HHLA2: variants seen among roughly 807,000 people sequenced by gnomAD.
HHLA2 encodes the protein HHLA2 member of B7 family.
Under a neutral mutation model 45.9 loss-of-function variants are expected in HHLA2, and 48 were observed. The ratio of observed to expected loss-of-function variants is 1.05; its 90% CI spans 0.83 to 1.33. HHLA2 has a LOEUF of 1.33. Among genes scored for constraint, HHLA2 ranks in the 40% most tolerant of loss-of-function variants. HHLA2 has a pLI of 0.00. For missense variants in HHLA2, 462 were observed against 494.3 expected, an observed-to-expected ratio of 0.93 and a Z score of 0.62; for synonymous variants, 161 against 173.9, an observed-to-expected ratio of 0.93 and a Z score of 0.59.
intron 2 of HHLA2, among the ~76,000 whole-genome samples, chr3:108,325,148 T>C (rs2081265892): frequency 6.7e-6 from 1 of 149,492 alleles, no homozygotes; most frequent in Non-Finnish European, 1.5e-5. Flanking sequence ...TTATTGTCAT[T>C]AGTCTCATTT....
At chr3:108,310,270 C>T (rs4855638) in intron 1 of HHLA2, among the ~76,000 whole-genome samples, 26,277 of 151,858 alleles carry the variant, frequency 0.17, 2,790 homozygotes, top group East Asian at 0.52. Flanking sequence ...ATAGGAAAAA[C>T]AAGTCTTACA....
intron 3 of HHLA2, among the ~76,000 whole-genome samples, chr3:108,337,540 G>T (rs2081494762): frequency 6.6e-6 from 1 of 152,144 alleles, no homozygotes. Context: ...TGAATGAATA[G>T]AAATATACCA....
At chr3:108,376,700 T>A (rs1161964290) in intron 10 of HHLA2, 143 bp downstream of exon 9, 2 of 622,038 alleles carry the variant, frequency 3.2e-6, no homozygotes, top group Non-Finnish European at 5.5e-6. Flanking sequence ...CAGGATAATA[T>A]AGCACGAAAA....
intron 8 of HHLA2, among the ~76,000 whole-genome samples, chr3:108,363,261 G>C (rs972388121): frequency 3.3e-5 from 5 of 152,240 alleles, no homozygotes; most frequent in African/African-American, 1.2e-4. Flanking sequence ...CAGGAATCCA[G>C]GAAGTTAGCT....
At chr3:108,306,812 A>T (rs557251693) in intron 1 of HHLA2, among the ~76,000 whole-genome samples, 21 of 151,696 alleles carry the variant, frequency 1.4e-4, no homozygotes, top group South Asian at 8.3e-4. Flanking sequence ...ATATATATAT[A>T]TTTTTCTATT....
rs73204156 is a variant in HHLA2 at position 108,317,577 on chromosome 3, T to C, written c.-105+6836T>C. ...CCTAGGATAGTAGGGAGATTACTTC[T>C]TTTTTTTTTTTTTTTGAGATGGAGT... On this transcript the variant is annotated intron_variant, in intron 2 of 10. Coordinates refer to ENST00000619531, the Ensembl canonical transcript of HHLA2. 7.4e-4 allele frequency among the ~76,000 whole-genome samples: 72 copies of C among 97,466 alleles called. No homozygotes were observed. The Middle Eastern group carries it at 0.014, about 18-fold the overall frequency. The allele number at this position is 97,466 out of a possible 152,430, so 63.9% of individuals were successfully genotyped here. A position where few individuals can be genotyped will look rare whatever the true frequency, so the allele number is the denominator to read the frequency against.
Position 108,377,251 on chromosome 3 carries a change from C to A in HHLA2, c.1225-7C>A. The A allele has an allele frequency of 6.5e-7, 1 of 1,538,802 alleles. No homozygotes were observed. The highest frequency in any genetic ancestry group is 1.7e-4 in the Middle Eastern group (1 of 5,938). ...AGACATTTAGAGTCTATTTTTCTTG[C>A]TTCTAGCCTCTTTCAGGAAAAGTAT... On this transcript the variant is annotated splice_region_variant and splice_polypyrimidine_tract_variant and intron_variant, in intron 10 of 10. Coordinates refer to ENST00000619531, the Ensembl canonical transcript of HHLA2.
intron 3 of HHLA2, among the ~76,000 whole-genome samples, chr3:108,331,022 A>G (rs957147155): frequency 6.6e-6 from 1 of 152,140 alleles, no homozygotes; most frequent in African/African-American, 2.4e-5. Context: ...GGGAATGCAA[A>G]GGCTGCTAGG....
chr3:108,363,721 G>A (rs922436335), intron 8 of HHLA2, among the ~76,000 whole-genome samples: 4 of 152,146 alleles, frequency 2.6e-5, no homozygotes, highest in Admixed American at 6.6e-5. Flanking sequence ...ATTATGGGAG[G>A]TGGTGCTACA....
At chr3:108,311,186 A>G (rs367755532) in intron 2 of HHLA2, among the ~76,000 whole-genome samples, 2 of 152,178 alleles carry the variant, frequency 1.3e-5, no homozygotes, top group East Asian at 3.8e-4. Context: ...TGTGTTTTCT[A>G]ATAAGCCTGT....
chr3:108,377,423 T>C, exon 11 of HHLA2: 2 of 607,952 alleles, frequency 3.3e-6, no homozygotes, highest in Non-Finnish European at 6.0e-6. Context: ...CATTTTCTGG[T>C]ATCACATTTA....
At chr3:108,325,982 G>A in intron 2 of HHLA2, 1 of 349,230 alleles carries the variant, frequency 2.9e-6, no homozygotes, top group Non-Finnish European at 5.6e-6. Context: ...ATTATCCAGG[G>A]AGTCATGGTC....
chr3:108,374,172 C>A (rs1203021586), intron 8 of HHLA2, among the ~76,000 whole-genome samples: 4 of 150,816 alleles, frequency 2.7e-5, no homozygotes, highest in African/African-American at 7.3e-5. Flanking sequence ...AGAAATAATG[C>A]CGCATATCTA....
At chr3:108,329,225 C>T (rs1312261032) in intron 3 of HHLA2, among the ~76,000 whole-genome samples, 1 of 152,140 alleles carries the variant, frequency 6.6e-6, no homozygotes, top group Non-Finnish European at 1.5e-5. Context: ...GTAAACAGAA[C>T]TTACTTTCCA....
At chr3:108,371,392 C>T (rs2082168793) in intron 8 of HHLA2, among the ~76,000 whole-genome samples, 2 of 152,220 alleles carry the variant, frequency 1.3e-5, no homozygotes, top group Middle Eastern at 3.4e-3. Flanking sequence ...TAAAGACCAT[C>T]GAGGCTAGGA....
Position 108,362,328 on chromosome 3 carries a change from C to T in HHLA2, c.1004-14C>T. 2.5e-6 allele frequency: 3 copies of T among 1,217,158 alleles called. No individual in the cohort carries two copies. The highest frequency in any genetic ancestry group is 2.3e-6 in the Non-Finnish European group (2 of 872,990). 75.4% of individuals were successfully genotyped at this position (1,217,158 alleles called of 1,614,324 possible). On this transcript the variant is annotated splice_polypyrimidine_tract_variant and intron_variant, in intron 7 of 10. Coordinates refer to ENST00000619531, the Ensembl canonical transcript of HHLA2. The stretch of plus-strand genomic sequence containing the variant: ...TTCCAGTTCACAGACTTTGTTTCTC[C>T]TTTTTTTTTTTAGAACCGAGCCAAG...
chr3:108,375,766 G>A, exon 9 of HHLA2: 1 of 1,611,276 alleles, frequency 6.2e-7, no homozygotes, highest in East Asian at 2.2e-5. Context: ...TAGAAGCCAG[G>A]AGGAGCAGAC....
At chr3:108,375,497 A>AT (rs1211230171) in intron 8 of HHLA2, among the ~76,000 whole-genome samples, 1 of 152,094 alleles carries the variant, frequency 6.6e-6, no homozygotes, top group Non-Finnish European at 1.5e-5. Context: ...CAAAATAAAT[A>AT]AAAATAAATT....
chr3:108,373,983 A>G (rs2082227402), intron 8 of HHLA2, among the ~76,000 whole-genome samples: 1 of 151,344 alleles, frequency 6.6e-6, no homozygotes, highest in Non-Finnish European at 1.5e-5. Context: ...AACTACTTTA[A>G]AGTTCATATG....
Sources: allele counts gnomAD v4.1 joint callset (sites outside exome capture counted in the v4.1 genomes callset), GRCh38; gene constraint gnomAD v4.1.1; transcripts MANE v1.5; gene names NCBI Gene and HGNC (gene_info 2026-07-23, HGNC 2026-07-21).